Variants in TNIP3 observed in about 807,000 individuals in gnomAD.
TNIP3 encodes TNFAIP3-interacting protein 3.
In TNIP3, 34 loss-of-function variants were observed where a neutral mutation model predicts 54.1. The ratio of observed to expected loss-of-function variants is 0.63; its 90% CI spans 0.48 to 0.84. The LOEUF is 0.84. TNIP3 is among the 40% of genes least tolerant of loss of function. TNIP3 has a pLI of 0.00. For synonymous variants in TNIP3, 134 were observed against 136.8 expected (o/e 0.98, Z 0.14); for missense variants, 366 against 387.6 (o/e 0.94, Z 0.47).
upstream of TNIP3, chr4:121,216,640 C>T: frequency 6.9e-7 from 1 of 1,443,300 alleles, no homozygotes; most frequent in Non-Finnish European, 9.1e-7. Context: ...GTCTTGTTTT[C>T]AGCCCTGCCA....
chr4:121,184,695 C>A (rs973159762), intron 2 of TNIP3, among the ~76,000 whole-genome samples: 7 of 152,128 alleles, frequency 4.6e-5, no homozygotes, highest in Admixed American at 4.6e-4. Context: ...AATCAAAAAT[C>A]CCTATATATG....
chr4:121,166,859 G>A (rs1178120549), upstream of TNIP3, among the ~76,000 whole-genome samples: 1 of 152,152 alleles, frequency 6.6e-6, no homozygotes, highest in Non-Finnish European at 1.5e-5. Context: ...ATGTAGGTAG[G>A]AAAGAGAGGA....
intron 10 of TNIP3, among the ~76,000 whole-genome samples, chr4:121,135,170 G>T (rs186641229): frequency 6.6e-6 from 1 of 152,112 alleles, no homozygotes; most frequent in African/African-American, 2.4e-5. Flanking sequence ...ATTGTAAATT[G>T]TACTTTGGTT....
chr4:121,155,379 A>G (rs1437751867), intron 4 of TNIP3, among the ~76,000 whole-genome samples: 1 of 152,238 alleles, frequency 6.6e-6, no homozygotes, highest in Non-Finnish European at 1.5e-5. Context: ...AGAAAACAAT[A>G]CTAAATATCT....
chr4:121,216,524 C>T (rs1442364563), intron 1 of TNIP3: 3 of 1,534,914 alleles, frequency 2.0e-6, no homozygotes, highest in African/African-American at 2.7e-5. Context: ...ATATGAAGGA[C>T]ATGAGGCTCA....
Position 121,141,906 on chromosome 4 carries a change from G to T in TNIP3, c.795C>A (p.Cys265Ter), listed in dbSNP as rs768000945. The stretch of plus-strand genomic sequence containing the variant: ...AAACCAAGCCGCAGTTACAGGGTGG[G>T]CAATACATCTGAGGAGAACAAAACT... ...KLEKQLKQMY[C>*]PPCNCGLVFH... Residue 265 changes from cysteine to a stop codon, truncating the protein, a stop_gained, in exon 9 of 11, where the codon TGC (cysteine) becomes TGA (stop). Coordinates refer to ENST00000057513, the MANE Select transcript of TNIP3 (RefSeq NM_024873.6). LOFTEE classifies it high-confidence loss of function. 1 of 1,596,998 alleles carries T rather than the reference G, an allele frequency of 6.3e-7. No individual in the cohort carries two copies. Among genetic ancestry groups the T allele is most frequent in the Non-Finnish European group, 8.5e-7 (1 of 1,171,948 alleles).
At chr4:121,140,844 T>C (rs1729075750) in intron 9 of TNIP3, among the ~76,000 whole-genome samples, 1 of 152,192 alleles carries the variant, frequency 6.6e-6, no homozygotes, top group Admixed American at 6.5e-5. Context: ...TTCTTAGCGG[T>C]GTGCTGTGTC....
chr4:121,177,409 G>C (rs1724424640), intron 3 of TNIP3, among the ~76,000 whole-genome samples: 1 of 152,112 alleles, frequency 6.6e-6, no homozygotes, highest in Non-Finnish European at 1.5e-5. Context: ...ATCAATAGTG[G>C]TTTTCTGTTT....
At chr4:121,208,038 T>C (rs1195409029) in intron 2 of TNIP3, among the ~76,000 whole-genome samples, 1 of 152,126 alleles carries the variant, frequency 6.6e-6, no homozygotes, top group Non-Finnish European at 1.5e-5. Context: ...CATTTTCTCT[T>C]GCGGCCGCCA....
In TNIP3 at chr4:121,154,701, G is replaced by T. The variant is rs568264348; in HGVS notation, c.364-22C>A. 46 of 1,582,764 alleles carry T rather than the reference G, an allele frequency of 2.9e-5. No homozygotes were observed. In the South Asian group the frequency reaches 5.2e-4, roughly 18 times the overall value. On this transcript the variant is annotated intron_variant, in intron 4 of 10. Transcript: ENST00000057513. ...CCTTCTGAAGTTAAGACCAAGAAAAGAAAATAAAAGTCAGTACAAGTCAAA... is the reference window on the plus strand; with the variant it reads ...CCTTCTGAAGTTAAGACCAAGAAAATAAAATAAAAGTCAGTACAAGTCAAA...
chr4:121,166,278 T>G (rs772887588), upstream of TNIP3, among the ~76,000 whole-genome samples: 1 of 152,254 alleles, frequency 6.6e-6, no homozygotes, highest in Non-Finnish European at 1.5e-5. Context: ...GAGAGCCATA[T>G]GGTTATTTAT....
intron 1 of TNIP3, among the ~76,000 whole-genome samples, chr4:121,161,993 C>T (rs1335954892): frequency 6.6e-6 from 1 of 152,186 alleles, no homozygotes; most frequent in Admixed American, 6.5e-5. Flanking sequence ...ATTACTATCT[C>T]ATCTCAGAGT....
chr4:121,171,031 G>T (rs746412061), intron 3 of TNIP3, among the ~76,000 whole-genome samples: 2 of 152,062 alleles, frequency 1.3e-5, no homozygotes, highest in Non-Finnish European at 2.9e-5. Context: ...GGCTAGGCTG[G>T]TCTCAAACTC....
At chr4:121,188,264 T>A (rs1327450798) in intron 2 of TNIP3, among the ~76,000 whole-genome samples, 1 of 151,992 alleles carries the variant, frequency 6.6e-6, no homozygotes. Flanking sequence ...ATGAATTAGA[T>A]GTTATCAATA....
intron 2 of TNIP3, 38 bp from the exon 3 acceptor site, chr4:121,158,790 T>C: frequency 6.5e-7 from 1 of 1,543,956 alleles, no homozygotes; most frequent in Non-Finnish European, 8.9e-7. Context: ...ACAAAGAATT[T>C]CTGCCCATTT....
intron 9 of TNIP3, among the ~76,000 whole-genome samples, chr4:121,139,458 A>G (rs1329206500): frequency 6.6e-6 from 1 of 152,230 alleles, no homozygotes; most frequent in Non-Finnish European, 1.5e-5. Context: ...CCCACAAAGC[A>G]GGTCTGTCTT....
intron 3 of TNIP3, among the ~76,000 whole-genome samples, chr4:121,175,329 A>T (rs1724245619): frequency 6.6e-6 from 1 of 152,240 alleles, no homozygotes; most frequent in Admixed American, 6.5e-5. Context: ...AGAAACCCTG[A>T]GACCTCAAGT....
intron 4 of TNIP3, among the ~76,000 whole-genome samples, chr4:121,155,940 A>C (rs1428185253): frequency 6.6e-6 from 1 of 152,216 alleles, no homozygotes; most frequent in Non-Finnish European, 1.5e-5. Flanking sequence ...TACACTTAGA[A>C]AATAAGCCAA....
upstream of TNIP3, among the ~76,000 whole-genome samples, chr4:121,165,201 CAA>C (rs1730689282): frequency 1.3e-5 from 2 of 151,638 alleles, no homozygotes; most frequent in African/African-American, 2.4e-5. Flanking sequence ...TCCTAAAATT[CAA>C]AAGAGAGTGA....
Sources: allele counts gnomAD v4.1 joint callset (sites outside exome capture counted in the v4.1 genomes callset), GRCh38; gene constraint gnomAD v4.1.1; transcripts MANE v1.5; gene names NCBI Gene and HGNC (gene_info 2026-07-23, HGNC 2026-07-21).